The following UBE2W variants were observed in gnomAD, a reference collection of about 807,000 sequenced individuals.
UBE2W encodes ubiquitin conjugating enzyme E2 W, also known as ubiquitin-conjugating enzyme E2 W.
In UBE2W, 18 loss-of-function variants were observed where a neutral mutation model predicts 27.2. The ratio of observed to expected loss-of-function variants is 0.66; its 90% confidence interval spans 0.46 to 0.98. The LOEUF is 0.98. Among genes scored for constraint, UBE2W ranks in the 50% least tolerant of loss-of-function variants. The pLI, the probability that UBE2W is intolerant of heterozygous loss-of-function variation, is 0.00. For missense variants in UBE2W, 90 were observed against 180.2 expected (o/e 0.50, Z 2.87); for synonymous variants, 53 against 57.2 (o/e 0.93, Z 0.33).
In UBE2W at chr8:73,853,144, G is replaced by A. The variant is rs1221764261; in HGVS notation, c.16-22672C>T. On this transcript the variant is annotated intron_variant, in intron 1 of 5. Coordinates refer to ENST00000602593, the MANE Select transcript of UBE2W (RefSeq NM_018299.6). ...CTGCCATGTGAAGATACAGTCAGAA[G>A]GTGCCATTCTGGACTACTGAATCTG... 2.6e-5 allele frequency among the ~76,000 whole-genome samples: 4 copies of A among 152,282 alleles called. No individual in the cohort carries two copies. In the East Asian group the frequency reaches 7.7e-4, roughly 29 times the overall value.
At chr8:73,823,266 T>C (rs1809698494) in intron 3 of UBE2W, among the ~76,000 whole-genome samples, 1 of 152,166 alleles carries the variant, frequency 6.6e-6, no homozygotes, top group Non-Finnish European at 1.5e-5. Context: ...TACAGAAATA[T>C]TAAAGAAGAA....
At position 73,807,604 on chromosome 8, in the gene UBE2W, G is replaced by T. The variant is rs146863179; in HGVS notation, c.367-1878C>A. Reference sequence around the variant, plus strand: ...AAAATTCCTAAAAAATGAATATTATGAAATTAGATGCCTGACTACTTCAAG... The same window carrying T: ...AAAATTCCTAAAAAATGAATATTATTAAATTAGATGCCTGACTACTTCAAG... On this transcript the variant is annotated intron_variant, in intron 4 of 5. Coordinates refer to ENST00000602593, the MANE Select transcript of UBE2W (RefSeq NM_018299.6). 3.3e-3 allele frequency among the ~76,000 whole-genome samples: 502 copies of T among 152,264 alleles called. 6 individuals are homozygous for T. Among genetic ancestry groups the T allele is most frequent in the Middle Eastern group, 0.027 (8 of 294 alleles).
At chr8:73,818,704 T>C (rs1301331281) in intron 3 of UBE2W, among the ~76,000 whole-genome samples, 2 of 152,202 alleles carry the variant, frequency 1.3e-5, no homozygotes, top group Admixed American at 6.5e-5. Context: ...TGTGCTCTCA[T>C]GAATGGCTTG....
chr8:73,825,487 G>A (rs577935180), intron 2 of UBE2W, among the ~76,000 whole-genome samples: 1 of 152,248 alleles, frequency 6.6e-6, no homozygotes, highest in South Asian at 2.1e-4. Context: ...AAAAGACAGA[G>A]CCAGGTCTAA....
chr8:73,866,290 A>AAAATATATATATAT (rs1248216873), intron 1 of UBE2W, among the ~76,000 whole-genome samples: 1 of 43,092 alleles, frequency 2.3e-5, no homozygotes, highest in African/African-American at 9.9e-5. Flanking sequence ...AAAAAAAAAA[A>AAAATATATATATAT]ATATATATAT....
intron 3 of UBE2W, among the ~76,000 whole-genome samples, chr8:73,813,733 CAT>C (rs1809269410): frequency 1.3e-5 from 2 of 149,182 alleles, no homozygotes; most frequent in African/African-American, 2.6e-5. Context: ...GGCAAATAAG[CAT>C]AGTTTCCACA....
Position 73,805,467 on chromosome 8 carries a change from A to AAAAC in UBE2W, c.442+183_442+184insGTTT, listed in dbSNP as rs1210252948. On this transcript the variant is annotated intron_variant, in intron 5 of 5. Coordinates refer to ENST00000602593, the MANE Select transcript of UBE2W (RefSeq NM_018299.6). Reference sequence around the variant, plus strand: ...AAAACTCCATCTCAAAAAAAAAAAAAAAAACAAAAAAAACTAGGGTAATTC... The same window carrying AAAAC: ...AAAACTCCATCTCAAAAAAAAAAAAAAAACAAAACAAAAAAAACTAGGGTAATTC... 1.5e-3 allele frequency among the ~76,000 whole-genome samples: 196 copies of AAAAC among 134,532 alleles called. 3 individuals carry two copies. The highest frequency in any genetic ancestry group is 7.5e-3 in the Middle Eastern group (2 of 268). 88.3% of individuals were successfully genotyped at this position (134,532 alleles called of 152,430 possible).
chr8:73,794,588 A>G (rs1236355306), intron 5 of UBE2W, among the ~76,000 whole-genome samples: 3 of 152,210 alleles, frequency 2.0e-5, no homozygotes, highest in Admixed American at 2.0e-4. Context: ...TAAACAGTTA[A>G]GATTAATTTC....
Position 73,815,048 on chromosome 8 carries a change from A to G in UBE2W, c.211-4419T>C, listed in dbSNP as rs370348253. Among the ~76,000 whole-genome samples, 9 of 152,316 alleles carry G rather than the reference A, an allele frequency of 5.9e-5. 1 individual carries two copies. Among genetic ancestry groups the G allele is most frequent in the East Asian group, 3.9e-4 (2 of 5,188 alleles). ...CTTTCATAAAACTACTAAAATCTAC[A>G]CTGAAAGCCACCATAGTGATAAAAA... On this transcript the variant is annotated intron_variant, in intron 3 of 5. Coordinates refer to ENST00000602593, the MANE Select transcript of UBE2W (RefSeq NM_018299.6).
intron 1 of UBE2W, chr8:73,831,139 A>C: frequency 2.4e-6 from 1 of 412,410 alleles, no homozygotes; most frequent in Non-Finnish European, 4.5e-6. Context: ...TATGGCAGTA[A>C]TAGTAGTTCT....
At chr8:73,849,087 T>C (rs1183501279) in intron 1 of UBE2W, among the ~76,000 whole-genome samples, 1 of 152,102 alleles carries the variant, frequency 6.6e-6, no homozygotes, top group Non-Finnish European at 1.5e-5. Flanking sequence ...AATTGTTGAA[T>C]CTACACAAAA....
At chr8:73,854,713 T>C (rs1251282461) in intron 1 of UBE2W, among the ~76,000 whole-genome samples, 4 of 152,158 alleles carry the variant, frequency 2.6e-5, no homozygotes, top group South Asian at 4.1e-4. Context: ...CAGTTAACCC[T>C]TGAATAATTT....
chr8:73,797,040 C>A (rs1808451009), intron 5 of UBE2W, among the ~76,000 whole-genome samples: 1 of 151,988 alleles, frequency 6.6e-6, no homozygotes, highest in Non-Finnish European at 1.5e-5. Flanking sequence ...TAATTATTAA[C>A]CATTTATATT....
intron 1 of UBE2W, among the ~76,000 whole-genome samples, chr8:73,835,949 A>G (rs1408447870): frequency 6.6e-6 from 1 of 152,190 alleles, no homozygotes; most frequent in African/African-American, 2.4e-5. Context: ...TCAGATGACT[A>G]CTATCTTAGC....
At chr8:73,849,650 T>G (rs1276607071) in intron 1 of UBE2W, among the ~76,000 whole-genome samples, 1 of 141,372 alleles carries the variant, frequency 7.1e-6, no homozygotes, top group African/African-American at 2.6e-5. Context: ...AAAAGACAAA[T>G]GAAAAGTACT....
chr8:73,835,930 A>G (rs78488495), intron 1 of UBE2W, among the ~76,000 whole-genome samples: 8,650 of 152,182 alleles, frequency 0.057, 807 homozygotes, highest in African/African-American at 0.19. Context: ...TTCAATTCAA[A>G]TCAAGCTTTC....
At position 73,791,376 on chromosome 8, in the gene UBE2W, AAAAT is replaced by A. The variant is rs569237925; in HGVS notation, c.*2722_*2725del. Reference sequence around the variant, plus strand: ...TTTGGCAAACCAGAAGAATGGCCTAAAAATAAATAAATAAATAAATAAAAGAAGA... The same window carrying A: ...TTTGGCAAACCAGAAGAATGGCCTAAAAATAAATAAATAAATAAAAGAAGA... On this transcript the variant is annotated 3_prime_UTR_variant, in exon 6 of 6. Coordinates refer to ENST00000602593, the MANE Select transcript of UBE2W (RefSeq NM_018299.6). 5.1e-6 allele frequency: 5 copies of A among 983,770 alleles called. No homozygotes were observed. Among genetic ancestry groups the A allele is most frequent in the African/African-American group, 1.7e-5 (1 of 57,160 alleles). The allele number at this position is 983,770 out of a possible 1,614,324, so 60.9% of individuals were successfully genotyped here. A position where few individuals can be genotyped will look rare whatever the true frequency, so the allele number is the denominator to read the frequency against.
intron 1 of UBE2W, among the ~76,000 whole-genome samples, chr8:73,848,591 C>CT (rs1484292999): frequency 6.6e-6 from 1 of 152,096 alleles, no homozygotes; most frequent in African/African-American, 2.4e-5. Context: ...AGACAGGAGA[C>CT]TAAGGTGGGA....
At chr8:73,805,598 T>C (rs957628384) in intron 5 of UBE2W, 53 bp downstream of exon 5, 1 of 1,126,594 alleles carries the variant, frequency 8.9e-7, no homozygotes, top group African/African-American at 1.6e-5. Context: ...AGCAAATATA[T>C]ATAATCTTCA....
Sources: allele counts gnomAD v4.1 joint callset (sites outside exome capture counted in the v4.1 genomes callset), GRCh38; gene constraint gnomAD v4.1.1; transcripts MANE v1.5; gene names NCBI Gene and HGNC (gene_info 2026-07-23, HGNC 2026-07-21).